Variants in TBC1D22A observed in about 807,000 individuals in gnomAD.
The protein encoded by TBC1D22A is TBC1 domain family member 22A.
A neutral mutation model predicts 60.2 loss-of-function variants in TBC1D22A; 38 were observed. That is an observed-to-expected ratio of 0.63 (90% CI 0.49 to 0.83). The LOEUF (loss-of-function observed/expected upper bound fraction) is 0.83. Among genes scored for constraint, TBC1D22A ranks in the 40% least tolerant of loss-of-function variants. The pLI, the probability that TBC1D22A is intolerant of heterozygous loss-of-function variation, is 0.00. For missense variants in TBC1D22A, 628 were observed against 701.0 expected, an observed-to-expected ratio of 0.90 and a Z score of 1.18; for synonymous variants, 302 against 281.7, an observed-to-expected ratio of 1.07 and a Z score of -0.72.
At chr22:47,131,057 G>A (rs955538902) in intron 12 of TBC1D22A, among the ~76,000 whole-genome samples, 2 of 152,158 alleles carry the variant, frequency 1.3e-5, no homozygotes, top group African/African-American at 4.8e-5. Context: ...GGGGTGCCAC[G>A]CTCTTTACAC....
chr22:47,030,696 A>C (rs1468806511), intron 10 of TBC1D22A, among the ~76,000 whole-genome samples: 1 of 152,238 alleles, frequency 6.6e-6, no homozygotes, highest in Non-Finnish European at 1.5e-5. Context: ...GTGAAATGGA[A>C]ATTTCAAATT....
At chr22:46,778,187 C>T (rs2083783149) in intron 1 of TBC1D22A, among the ~76,000 whole-genome samples, 1 of 152,082 alleles carries the variant, frequency 6.6e-6, no homozygotes, top group African/African-American at 2.4e-5. Flanking sequence ...ATGGGAAGGT[C>T]TGGGTCCTCA....
chr22:47,112,405 C>A (rs1052225727), intron 12 of TBC1D22A, among the ~76,000 whole-genome samples: 1 of 152,220 alleles, frequency 6.6e-6, no homozygotes, highest in African/African-American at 2.4e-5. Flanking sequence ...CACCGCTCTC[C>A]CTTCTCGAGG....
intron 8 of TBC1D22A, among the ~76,000 whole-genome samples, chr22:46,973,666 A>T (rs2074169401): frequency 6.6e-6 from 1 of 152,270 alleles, no homozygotes; most frequent in South Asian, 2.1e-4. Flanking sequence ...TTGTTCAAAT[A>T]TCTGATAAGC....
chr22:46,779,205 G>A (rs2083832793), intron 1 of TBC1D22A, among the ~76,000 whole-genome samples: 1 of 152,140 alleles, frequency 6.6e-6, no homozygotes. Context: ...CAGCATCACC[G>A]CAAACACAGG....
intron 5 of TBC1D22A, among the ~76,000 whole-genome samples, chr22:46,888,021 C>T (rs929139211): frequency 6.6e-6 from 1 of 152,210 alleles, no homozygotes; most frequent in African/African-American, 2.4e-5. Context: ...GTCCCGCTCT[C>T]TTTCAGGTCA....
intron 11 of TBC1D22A, among the ~76,000 whole-genome samples, chr22:47,043,682 G>T (rs1316041170): frequency 6.6e-6 from 1 of 152,112 alleles, no homozygotes; most frequent in Non-Finnish European, 1.5e-5. Context: ...TGAACAGGAG[G>T]GTGGAAGGGT....
chr22:47,133,526 T>A (rs927787481), intron 12 of TBC1D22A, among the ~76,000 whole-genome samples: 2 of 152,226 alleles, frequency 1.3e-5, no homozygotes, highest in Admixed American at 6.5e-5. Flanking sequence ...TGTGAAATTC[T>A]GGGTGATTCC....
chr22:46,862,822 G>A lies in TBC1D22A; in HGVS notation c.638-15831G>A, dbSNP rs2087976012. ...ATGCTGGGGCTTTTTGGAATGGAGG[G>A]GGCTTCTGATTCTGGGGTGCAGGAC... On this transcript the variant is annotated intron_variant, in intron 4 of 12. Transcript: ENST00000337137. Among the ~76,000 whole-genome samples, 6 of 152,166 alleles carry A rather than the reference G, an allele frequency of 3.9e-5. No individual in the cohort carries two copies. The South Asian group carries it at 1.2e-3, about 32-fold the overall frequency.
rs1315973076 is a variant in TBC1D22A at position 47,175,379 on chromosome 22, CG to C, written c.*1755del. On this transcript the variant is annotated 3_prime_UTR_variant, in exon 13 of 13. Transcript: ENST00000337137. ...TTCCGTCACAAGAAGAGCCGCCCCT[CG>C]GCCGTGTGCAGGAAGCCCCATGTCG... 6.6e-6 allele frequency: 1 copy of C among 150,588 alleles called. No individual in the cohort carries two copies. Among genetic ancestry groups the C allele is most frequent in the Non-Finnish European group, 1.5e-5 (1 of 68,158 alleles). 9.3% of individuals were successfully genotyped at this position (150,588 alleles called of 1,614,324 possible). A position where few individuals can be genotyped will look rare whatever the true frequency, so the allele number is the denominator to read the frequency against.
intron 1 of TBC1D22A, chr22:46,763,610 G>A (rs1006556059): frequency 6.6e-6 from 1 of 151,922 alleles, no homozygotes; most frequent in African/African-American, 2.4e-5. Flanking sequence ...CAAACGTCAA[G>A]ATTTCAGAAC....
intron 12 of TBC1D22A, among the ~76,000 whole-genome samples, chr22:47,162,094 C>G (rs1169148724): frequency 1.3e-5 from 2 of 152,126 alleles, no homozygotes; most frequent in Non-Finnish European, 2.9e-5. Context: ...AGCATTTCCT[C>G]CTTTCTAATA....
intron 9 of TBC1D22A, among the ~76,000 whole-genome samples, chr22:46,986,663 A>G (rs1231625951): frequency 6.6e-6 from 1 of 151,826 alleles, no homozygotes; most frequent in African/African-American, 2.4e-5. Context: ...CTTTGTTGGT[A>G]TTTTTTGCTA....
At chr22:46,832,962 T>C (rs1303282538) in intron 4 of TBC1D22A, among the ~76,000 whole-genome samples, 2 of 152,140 alleles carry the variant, frequency 1.3e-5, no homozygotes, top group African/African-American at 2.4e-5. Flanking sequence ...GGGATTCCTC[T>C]TGGAGACTGA....
At chr22:46,941,963 A>G (rs1219414115) in intron 8 of TBC1D22A, among the ~76,000 whole-genome samples, 2 of 142,582 alleles carry the variant, frequency 1.4e-5, no homozygotes, top group Non-Finnish European at 3.1e-5. Flanking sequence ...ACACACACAC[A>G]CACAGTCCAC....
rs1265915514 is a variant in TBC1D22A, at chr22:46,990,120, ATT to A, written c.1126-7512_1126-7511del. 3.3e-5 allele frequency among the ~76,000 whole-genome samples: 5 copies of A among 152,214 alleles called. No homozygotes were observed. The highest frequency in any genetic ancestry group is 7.3e-5 in the Non-Finnish European group (5 of 68,032). On this transcript the variant is annotated intron_variant, in intron 9 of 12. Coordinates refer to ENST00000337137, the MANE Select transcript of TBC1D22A (RefSeq NM_014346.5). This position sits in a 1 kb window ranked among gnomAD's most constrained non-coding sequence, Gnocchi z 4.6. ...CGCCCGGCCGCAAAATGTAAGTTTTATTTAAAATGAACTCTTATAGATAGTTT... is the reference window on the plus strand; with the variant it reads ...CGCCCGGCCGCAAAATGTAAGTTTTATAAAATGAACTCTTATAGATAGTTT...
chr22:46,955,725 A>C (rs1052914037), intron 8 of TBC1D22A, among the ~76,000 whole-genome samples: 1 of 152,248 alleles, frequency 6.6e-6, no homozygotes, highest in Non-Finnish European at 1.5e-5. Context: ...ATCATCACAA[A>C]TTAAAAAAGA....
rs528365694 is a variant in TBC1D22A, at chr22:47,096,885, G to C, written c.1330-14623G>C. Reference sequence around the variant, plus strand: ...TTTGTGTCCTGAAGTGTTGTTTTTAGGCGCCACTTTCTCCCCCACCCTCAG... The same window carrying C: ...TTTGTGTCCTGAAGTGTTGTTTTTACGCGCCACTTTCTCCCCCACCCTCAG... On this transcript the variant is annotated intron_variant, in intron 11 of 12. Transcript: ENST00000337137. Among the ~76,000 whole-genome samples, 3 of 152,264 alleles carry C rather than the reference G, an allele frequency of 2.0e-5. No individual in the cohort carries two copies. In the South Asian group the frequency reaches 6.2e-4, roughly 32 times the overall value.
At chr22:46,983,067 CGTGACCGTGTTA>C (rs1270951925) in intron 9 of TBC1D22A, among the ~76,000 whole-genome samples, 2 of 152,196 alleles carry the variant, frequency 1.3e-5, no homozygotes, top group Non-Finnish European at 2.9e-5. Context: ...TTTCCACCTG[CGTGACCGTGTTA>C]GTGACTCCAG....
Sources: allele counts gnomAD v4.1 joint callset (sites outside exome capture counted in the v4.1 genomes callset), GRCh38; gene constraint gnomAD v4.1.1; non-coding constraint Gnocchi (gnomAD v3.1); transcripts MANE v1.5; gene names NCBI Gene and HGNC (gene_info 2026-07-23, HGNC 2026-07-21).